The following ADAMTS19 variants were observed in gnomAD, a reference collection of about 807,000 sequenced individuals.
The protein encoded by ADAMTS19 is ADAM metallopeptidase with thrombospondin type 1 motif 19.
ADAMTS19 carries 93 observed loss-of-function variants against 153.3 expected under a neutral mutation model. The ratio of observed to expected loss-of-function variants is 0.61; its 90% CI spans 0.51 to 0.72. The LOEUF (loss-of-function observed/expected upper bound fraction) is 0.72, where lower values mean the gene tolerates loss of function less well. ADAMTS19 is among the 30% of genes least tolerant of loss of function. The probability of loss-of-function intolerance (pLI) is 0.00; values close to 1 mark genes in which losing one functional copy is unlikely to be tolerated. For synonymous variants in ADAMTS19, 600 were observed against 556.6 expected, an observed-to-expected ratio of 1.08 and a Z score of -1.10; for missense variants, 1,482 against 1,552.1, an observed-to-expected ratio of 0.95 and a Z score of 0.76.
chr5:129,553,225 A>C (rs1753194961), intron 7 of ADAMTS19, among the ~76,000 whole-genome samples: 2 of 152,096 alleles, frequency 1.3e-5, no homozygotes. Context: ...TTGCTTGAGC[A>C]CATGTGAGAA....
At chr5:129,559,256 A>G (rs1265574931) in intron 7 of ADAMTS19, among the ~76,000 whole-genome samples, 2 of 152,118 alleles carry the variant, frequency 1.3e-5, no homozygotes, top group Admixed American at 6.5e-5. Flanking sequence ...TGTAACCAAC[A>G]AAGTATTAGA....
chr5:129,466,135 C>A (rs1215345943), intron 2 of ADAMTS19, among the ~76,000 whole-genome samples: 1 of 152,128 alleles, frequency 6.6e-6, no homozygotes, highest in East Asian at 1.9e-4. Flanking sequence ...GCAGAGCTTA[C>A]CCAGGCCTGT....
At chr5:129,613,830 C>G (rs74909847) in intron 8 of ADAMTS19, among the ~76,000 whole-genome samples, 2 of 151,426 alleles carry the variant, frequency 1.3e-5, no homozygotes, top group African/African-American at 4.9e-5. Flanking sequence ...TCAAATAGAC[C>G]CAATAAAAAA....
chr5:129,644,146 TAAA>T, intron 11 of ADAMTS19, among the ~76,000 whole-genome samples: 1 of 152,296 alleles, frequency 6.6e-6, no homozygotes, highest in Admixed American at 6.5e-5. Flanking sequence ...TAAACAAAAG[TAAA>T]AAGTTTTATT....
intron 7 of ADAMTS19, among the ~76,000 whole-genome samples, chr5:129,575,057 A>G (rs968957962): frequency 1.3e-5 from 2 of 152,032 alleles, no homozygotes; most frequent in Admixed American, 1.3e-4. Context: ...ATTTGTAGGT[A>G]TAATTGCTTT....
At chr5:129,524,425 G>A (rs909564347) in intron 3 of ADAMTS19, among the ~76,000 whole-genome samples, 2 of 152,006 alleles carry the variant, frequency 1.3e-5, no homozygotes, top group South Asian at 2.1e-4. Context: ...AACGCCAAAA[G>A]CAATTGCAAC....
chr5:129,653,668 C>T (rs1356856728), intron 13 of ADAMTS19, among the ~76,000 whole-genome samples: 1 of 152,154 alleles, frequency 6.6e-6, no homozygotes, highest in Non-Finnish European at 1.5e-5. Flanking sequence ...CATTTCAAAA[C>T]AATATTTCTG....
intron 2 of ADAMTS19, among the ~76,000 whole-genome samples, chr5:129,499,186 A>G (rs1751021954): frequency 6.6e-6 from 1 of 152,066 alleles, no homozygotes; most frequent in Non-Finnish European, 1.5e-5. Flanking sequence ...AATAATTACA[A>G]ATTATTACAT....
At chr5:129,586,343 C>G (rs975715571) in intron 7 of ADAMTS19, among the ~76,000 whole-genome samples, 1 of 152,176 alleles carries the variant, frequency 6.6e-6, no homozygotes, top group Non-Finnish European at 1.5e-5. Context: ...TTCTTCCGCT[C>G]TTAATCCTTG....
At chr5:129,469,625 C>G (rs936677422) in intron 2 of ADAMTS19, among the ~76,000 whole-genome samples, 11 of 152,182 alleles carry the variant, frequency 7.2e-5, no homozygotes, top group Non-Finnish European at 1.5e-4. Context: ...TCTAGATATT[C>G]AGCAGTAATG....
At chr5:129,619,324 C>T (rs1751673095) in intron 8 of ADAMTS19, among the ~76,000 whole-genome samples, 1 of 151,954 alleles carries the variant, frequency 6.6e-6, no homozygotes, top group Admixed American at 6.6e-5. Flanking sequence ...TTCTCATCTG[C>T]AAAATGCATA....
intron 3 of ADAMTS19, 119 bp from the exon 4 acceptor site, chr5:129,526,165 C>A (rs1440559969): frequency 2.6e-6 from 2 of 776,572 alleles, no homozygotes; most frequent in Non-Finnish European, 1.9e-6. Flanking sequence ...AAGCCAAATG[C>A]CCTTTAAGAT....
intron 8 of ADAMTS19, among the ~76,000 whole-genome samples, chr5:129,608,118 A>G (rs13161067): frequency 0.17 from 6,846 of 39,944 alleles, 602 homozygotes; most frequent in African/African-American, 0.32. Flanking sequence ...GTGTGTGTGT[A>G]TATATATATA....
At chr5:129,736,676 C>T (rs1009082056) in intron 22 of ADAMTS19, among the ~76,000 whole-genome samples, 2 of 151,942 alleles carry the variant, frequency 1.3e-5, no homozygotes, top group South Asian at 2.1e-4. Context: ...GTAATTTCAA[C>T]CCTAATAATA....
intron 3 of ADAMTS19, among the ~76,000 whole-genome samples, chr5:129,518,393 T>G (rs1459085988): frequency 6.6e-6 from 1 of 152,160 alleles, no homozygotes. Context: ...CTGGTATTGC[T>G]GAAATCCCTC....
rs3049499 is a variant in ADAMTS19, at chr5:129,662,888, A to ATTTTTTTTTT, written c.2426-2596_2426-2587dup. ...CTCCTCCTTCTCATGATTCTTCTTC[A>ATTTTTTTTTT]TTTTTTTTTTTTTTTTTTTTTTTTG... On this transcript the variant is annotated intron_variant, in intron 15 of 22. Transcript: ENST00000274487. 6.5e-5 allele frequency among the ~76,000 whole-genome samples: 6 copies of ATTTTTTTTTT among 92,896 alleles called. 1 individual carries two copies. The highest frequency in any genetic ancestry group is 1.4e-4 in the African/African-American group (3 of 21,242). 60.9% of individuals were successfully genotyped at this position (92,896 alleles called of 152,430 possible). A position where few individuals can be genotyped will look rare whatever the true frequency, so the allele number is the denominator to read the frequency against.
chr5:129,683,200 A>T (rs1036830154), intron 17 of ADAMTS19, among the ~76,000 whole-genome samples: 1 of 138,146 alleles, frequency 7.2e-6, no homozygotes, highest in African/African-American at 2.7e-5. Flanking sequence ...ATATATATAT[A>T]TACTCATTAA....
chr5:129,623,217 A>T (rs1349763313), intron 10 of ADAMTS19, among the ~76,000 whole-genome samples: 1 of 152,156 alleles, frequency 6.6e-6, no homozygotes, highest in Non-Finnish European at 1.5e-5. Flanking sequence ...AGTAGTCAGT[A>T]ATTACTCAGA....
intron 2 of ADAMTS19, among the ~76,000 whole-genome samples, chr5:129,463,039 A>G (rs894584982): frequency 7.2e-5 from 11 of 152,248 alleles, no homozygotes; most frequent in African/African-American, 2.7e-4. Flanking sequence ...GGGCATTTTT[A>G]GGCATAATTG....
Sources: gnomAD v4.1 joint callset for allele counts (sites outside exome capture counted in the v4.1 genomes callset) on GRCh38, gnomAD v4.1.1 for gene constraint, MANE v1.5 for transcripts, NCBI Gene and HGNC (gene_info 2026-07-23, HGNC 2026-07-21) for gene names.